Variants in ADK observed in about 807,000 individuals in gnomAD.
ADK encodes N6,N6-dimethyladenosine kinase.
In ADK, 24 loss-of-function variants were observed where a neutral mutation model predicts 44.7. The ratio of observed to expected loss-of-function variants is 0.54; its 90% CI spans 0.39 to 0.76. The LOEUF (loss-of-function observed/expected upper bound fraction) is 0.76, where lower values mean the gene tolerates loss of function less well. Ranked by LOEUF, ADK falls within the 30% of genes least tolerant of loss-of-function variation. The pLI is 0.00. For synonymous variants in ADK, 128 were observed against 142.6 expected (o/e 0.90, Z 0.73); for missense variants, 321 against 425.1 (o/e 0.76, Z 2.15).
intron 3 of ADK, among the ~76,000 whole-genome samples, chr10:74,268,196 A>G (rs1407431912): frequency 1.3e-5 from 2 of 151,900 alleles, no homozygotes; most frequent in Non-Finnish European, 2.9e-5. Context: ...AGTGGCATGA[A>G]CCTGTAGTTC....
intron 3 of ADK, among the ~76,000 whole-genome samples, chr10:74,237,834 C>G (rs1011372427): frequency 6.6e-6 from 1 of 152,114 alleles, no homozygotes; most frequent in Non-Finnish European, 1.5e-5. Context: ...CATGGTGGCT[C>G]ATGTCTGTAA....
At chr10:74,647,651 T>A (rs1280616260) in intron 9 of ADK, among the ~76,000 whole-genome samples, 1 of 152,166 alleles carries the variant, frequency 6.6e-6, no homozygotes, top group Non-Finnish European at 1.5e-5. Context: ...ATAACTTGTA[T>A]GCAAACGTTA....
intron 6 of ADK, among the ~76,000 whole-genome samples, chr10:74,415,942 A>G (rs1312339900): frequency 1.3e-5 from 2 of 151,666 alleles, no homozygotes; most frequent in African/African-American, 2.4e-5. Flanking sequence ...CTATTTCTCT[A>G]TTGCAAGTGT....
intron 7 of ADK, among the ~76,000 whole-genome samples, chr10:74,542,862 T>C (rs1429689534): frequency 6.6e-6 from 1 of 151,796 alleles, no homozygotes; most frequent in East Asian, 1.9e-4. Flanking sequence ...ATAGAGATCC[T>C]TCTCATTTTT....
chr10:74,524,043 G>A lies in ADK; in HGVS notation c.556-1213G>A, dbSNP rs539814364. Among the ~76,000 whole-genome samples the A allele has an allele frequency of 1.3e-3, 195 of 151,952 alleles. 1 individual carries two copies. The highest frequency in any genetic ancestry group is 4.3e-3 in the African/African-American group (180 of 41,422). On this transcript the variant is annotated intron_variant, in intron 6 of 10. Transcript: ENST00000539909. ...CAAGGCCCTTTGTATTCTTAACTTC[G>A]CCGACCTTTTCAAGTCTCTATTATT...
At chr10:74,276,814 G>A (rs1228377169) in intron 3 of ADK, among the ~76,000 whole-genome samples, 1 of 151,972 alleles carries the variant, frequency 6.6e-6, no homozygotes, top group East Asian at 1.9e-4. Flanking sequence ...ATGGGATTGT[G>A]TGTTTTAAAT....
At chr10:74,523,117 A>G (rs1848904393) in intron 6 of ADK, among the ~76,000 whole-genome samples, 1 of 152,166 alleles carries the variant, frequency 6.6e-6, no homozygotes, top group Non-Finnish European at 1.5e-5. Context: ...ATCTTGCTTT[A>G]TTTATCAAAA....
intron 6 of ADK, among the ~76,000 whole-genome samples, chr10:74,457,547 G>T (rs1450588490): frequency 2.0e-5 from 3 of 152,166 alleles, no homozygotes; most frequent in African/African-American, 7.2e-5. Flanking sequence ...ATAAATCATG[G>T]TGCTATGAAG....
chr10:74,568,408 C>T (rs757929759), intron 7 of ADK, among the ~76,000 whole-genome samples: 12 of 152,058 alleles, frequency 7.9e-5, no homozygotes, highest in Non-Finnish European at 1.6e-4. Flanking sequence ...GGCTCTGATA[C>T]GGTGTTGCCT....
chr10:74,333,599 C>G (rs1346208917), intron 4 of ADK, among the ~76,000 whole-genome samples: 1 of 152,020 alleles, frequency 6.6e-6, no homozygotes, highest in Non-Finnish European at 1.5e-5. Context: ...GGGATGCCTG[C>G]CAAATGTTAT....
At chr10:74,505,608 T>C (rs1252248659) in intron 6 of ADK, among the ~76,000 whole-genome samples, 2 of 151,520 alleles carry the variant, frequency 1.3e-5, no homozygotes, top group Non-Finnish European at 2.9e-5. Context: ...ATATACACCA[T>C]TGGACACAGT....
chr10:74,182,409 C>T (rs1842593888), intron 1 of ADK, among the ~76,000 whole-genome samples: 1 of 147,740 alleles, frequency 6.8e-6, no homozygotes, highest in African/African-American at 2.5e-5. Context: ...ACTCTTATTG[C>T]CCAGGCTGGA....
chr10:74,153,554 T>G (rs558950512), intron 1 of ADK, among the ~76,000 whole-genome samples: 14 of 152,310 alleles, frequency 9.2e-5, no homozygotes, highest in Admixed American at 6.5e-4. Context: ...TGTTTTCACG[T>G]GGGATTAGGG....
At chr10:74,537,710 A>G (rs1342136265) in intron 7 of ADK, among the ~76,000 whole-genome samples, 1 of 152,190 alleles carries the variant, frequency 6.6e-6, no homozygotes, top group Non-Finnish European at 1.5e-5. Flanking sequence ...TTGCCTCAGG[A>G]TGCTTAACTC....
chr10:74,355,608 G>A (rs1421100867), intron 4 of ADK, among the ~76,000 whole-genome samples: 1 of 152,178 alleles, frequency 6.6e-6, no homozygotes, highest in African/African-American at 2.4e-5. Context: ...CATTTTCAGA[G>A]ACTGAACAGA....
At chr10:74,177,327 G>C (rs1403314453) in intron 1 of ADK, among the ~76,000 whole-genome samples, 1 of 152,188 alleles carries the variant, frequency 6.6e-6, no homozygotes, top group Admixed American at 6.5e-5. Context: ...TCTGATGCAG[G>C]TATATTGCCC....
At chr10:74,446,266 A>G (rs1845582508) in intron 6 of ADK, among the ~76,000 whole-genome samples, 1 of 151,974 alleles carries the variant, frequency 6.6e-6, no homozygotes, top group African/African-American at 2.4e-5. Flanking sequence ...TCTTTCAGGA[A>G]CCCTTCCAAC....
chr10:74,446,907 G>A (rs553290618), intron 6 of ADK, among the ~76,000 whole-genome samples: 2 of 151,960 alleles, frequency 1.3e-5, no homozygotes, highest in African/African-American at 4.8e-5. Flanking sequence ...GGCTTTGGGG[G>A]GTTGTTTTGT....
At chr10:74,327,747 A>T (rs897854347) in intron 4 of ADK, among the ~76,000 whole-genome samples, 8 of 149,026 alleles carry the variant, frequency 5.4e-5, no homozygotes, top group African/African-American at 2.0e-4. Flanking sequence ...AATAAAAGTT[A>T]AAAAAAAAAG....
Sources: allele counts gnomAD v4.1 joint callset (sites outside exome capture counted in the v4.1 genomes callset), GRCh38; gene constraint gnomAD v4.1.1; transcripts MANE v1.5; gene names NCBI Gene and HGNC (gene_info 2026-07-23, HGNC 2026-07-21).